RBFOX1: variants seen among roughly 807,000 people sequenced by gnomAD.
RBFOX1 encodes the protein RNA binding fox-1 homolog 1.
A neutral mutation model predicts 57.7 loss-of-function variants in RBFOX1; 8 were observed. The observed-to-expected ratio is 0.14, with a 90% confidence interval of 0.08 to 0.25. The LOEUF is 0.25. Ranked by LOEUF, RBFOX1 falls within the 10% of genes least tolerant of loss-of-function variation. RBFOX1 has a pLI of 1.00. For missense variants in RBFOX1, 611 were observed against 548.5 expected (o/e 1.11, Z -1.14); for synonymous variants, 326 against 222.4 (o/e 1.47, Z -4.15).
At chr16:5,926,397 T>G (rs534024761) in intron 4 of RBFOX1, among the ~76,000 whole-genome samples, 4 of 152,100 alleles carry the variant, frequency 2.6e-5, no homozygotes, top group Non-Finnish European at 5.9e-5. Flanking sequence ...GAAAATGTGG[T>G]GAAATTTGGA....
At chr16:6,129,071 A>T (rs1265162651) in intron 1 of RBFOX1, among the ~76,000 whole-genome samples, 1 of 143,936 alleles carries the variant, frequency 6.9e-6, no homozygotes, top group Non-Finnish European at 1.6e-5. Context: ...TATTAGCACA[A>T]TCTGGATTTC....
At chr16:5,651,962 A>G (rs1180850125) in intron 3 of RBFOX1, among the ~76,000 whole-genome samples, 3 of 152,062 alleles carry the variant, frequency 2.0e-5, no homozygotes, top group Non-Finnish European at 2.9e-5. Context: ...GAGAAACCCC[A>G]TTTCTACTAA....
intron 2 of RBFOX1, among the ~76,000 whole-genome samples, chr16:6,519,526 C>A (rs559039545): frequency 2.6e-5 from 4 of 152,050 alleles, no homozygotes; most frequent in Admixed American, 6.6e-5. Context: ...CATGACAAAA[C>A]CCCGTCTGCA....
At chr16:6,484,842 C>G (rs1335484479) in intron 2 of RBFOX1, among the ~76,000 whole-genome samples, 1 of 152,176 alleles carries the variant, frequency 6.6e-6, no homozygotes, top group Non-Finnish European at 1.5e-5. Context: ...GAAGAATTTA[C>G]TCATTGTTGA....
At chr16:7,005,479 G>T (rs146434266) in intron 3 of RBFOX1, among the ~76,000 whole-genome samples, 1 of 152,206 alleles carries the variant, frequency 6.6e-6, no homozygotes, top group Non-Finnish European at 1.5e-5. Flanking sequence ...GGAATGGGGA[G>T]AAGGAACCCA....
chr16:7,114,332 A>G (rs928942409), intron 4 of RBFOX1, among the ~76,000 whole-genome samples: 1 of 152,178 alleles, frequency 6.6e-6, no homozygotes, highest in Non-Finnish European at 1.5e-5. Context: ...GGTAGCTGCC[A>G]TTTTGCTATG....
At chr16:7,129,160 G>A (rs1213066948) in intron 4 of RBFOX1, among the ~76,000 whole-genome samples, 1 of 152,110 alleles carries the variant, frequency 6.6e-6, no homozygotes, top group African/African-American at 2.4e-5. Context: ...TTTTTAGCAG[G>A]ATTCAAACCA....
intron 4 of RBFOX1, among the ~76,000 whole-genome samples, chr16:5,978,322 T>G (rs919771172): frequency 1.3e-5 from 2 of 151,432 alleles, no homozygotes; most frequent in Admixed American, 6.6e-5. Context: ...TCTTAAGAGA[T>G]AAAATAAAAA....
At chr16:6,314,498 C>T (rs985298723) in intron 1 of RBFOX1, among the ~76,000 whole-genome samples, 1 of 152,120 alleles carries the variant, frequency 6.6e-6, no homozygotes, top group Non-Finnish European at 1.5e-5. Context: ...AGACTCCAGA[C>T]CTTCCATGAG....
At chr16:6,765,479 C>G in intron 3 of RBFOX1, among the ~76,000 whole-genome samples, 1 of 152,082 alleles carries the variant, frequency 6.6e-6, no homozygotes, top group East Asian at 1.9e-4. Flanking sequence ...ACCCCTATAA[C>G]TCAAGTTTAT....
intron 3 of RBFOX1, among the ~76,000 whole-genome samples, chr16:6,797,869 A>G (rs1435739282): frequency 6.6e-6 from 1 of 152,146 alleles, no homozygotes; most frequent in African/African-American, 2.4e-5. Context: ...TCCCATTTCT[A>G]CTAACTGGTA....
At chr16:6,788,290 G>A (rs933838441) in intron 3 of RBFOX1, among the ~76,000 whole-genome samples, 2 of 151,964 alleles carry the variant, frequency 1.3e-5, no homozygotes, top group Non-Finnish European at 2.9e-5. Flanking sequence ...TGAATAGGAT[G>A]TCCCTTTTCC....
chr16:6,805,087 C>G (rs1026600705), intron 3 of RBFOX1, among the ~76,000 whole-genome samples: 1 of 152,132 alleles, frequency 6.6e-6, no homozygotes, highest in African/African-American at 2.4e-5. Flanking sequence ...AAGACCCATG[C>G]ACGTGAATGT....
intron 5 of RBFOX1, among the ~76,000 whole-genome samples, 184 bp from the exon 6 acceptor site, chr16:7,579,593 G>A (rs546473366): frequency 3.3e-5 from 5 of 152,098 alleles, no homozygotes; most frequent in African/African-American, 1.2e-4. Flanking sequence ...TTCATAATGA[G>A]CACCCAGTGG....
At chr16:5,795,641 C>G (rs1165875019) in intron 3 of RBFOX1, among the ~76,000 whole-genome samples, 1 of 152,084 alleles carries the variant, frequency 6.6e-6, no homozygotes, top group East Asian at 1.9e-4. Flanking sequence ...CCCTCCTTAC[C>G]CCTGACCACT....
chr16:6,008,043 A>G (rs2094937613), intron 4 of RBFOX1, among the ~76,000 whole-genome samples: 1 of 152,120 alleles, frequency 6.6e-6, no homozygotes, highest in African/African-American at 2.4e-5. Context: ...ATCTCTACTG[A>G]AAACACAAAA....
intron 3 of RBFOX1, among the ~76,000 whole-genome samples, chr16:7,016,378 C>T (rs189872986): frequency 1.3e-5 from 2 of 152,198 alleles, no homozygotes; most frequent in East Asian, 1.9e-4. Flanking sequence ...TTAGAAGAAG[C>T]CTTTCGGATA....
rs144305590 is a variant in RBFOX1, at chr16:5,433,323, GC to G, written c.220-33892del. 2.1e-3 allele frequency among the ~76,000 whole-genome samples: 319 copies of G among 152,262 alleles called. 3 individuals are homozygous for G. Among genetic ancestry groups the G allele is most frequent in the African/African-American group, 7.2e-3 (298 of 41,560 alleles). The stretch of plus-strand genomic sequence containing the variant: ...ACTTCACAGCAGGCATCTTCTGGGG[GC>G]TCCTCCTTCCTGCTCTCTGCCTCCT... On this transcript the variant is annotated intron_variant, in intron 1 of 2. Coordinates refer to the RBFOX1 transcript ENST00000585867.
intron 3 of RBFOX1, among the ~76,000 whole-genome samples, chr16:5,798,515 C>T (rs1199812679): frequency 2.0e-5 from 3 of 152,094 alleles, no homozygotes; most frequent in Non-Finnish European, 4.4e-5. Context: ...AACAACCTGG[C>T]AAGTGGTAGA....
Sources: gnomAD v4.1 joint callset for allele counts (sites outside exome capture counted in the v4.1 genomes callset) on GRCh38, gnomAD v4.1.1 for gene constraint, MANE v1.5 for transcripts, NCBI Gene and HGNC (gene_info 2026-07-23, HGNC 2026-07-21) for gene names.